Variants in UTRN observed in about 807,000 individuals in gnomAD.
UTRN encodes utrophin.
UTRN carries 283 observed loss-of-function variants against 463.9 expected under a neutral mutation model. The observed-to-expected ratio is 0.61, with a 90% CI of 0.55 to 0.67. UTRN has a LOEUF of 0.67. UTRN is among the 30% of genes least tolerant of loss of function. UTRN has a pLI of 0.00. For missense variants in UTRN, 3,922 were observed against 4,084.3 expected (o/e 0.96, Z 1.08); for synonymous variants, 1,442 against 1,431.5 (o/e 1.01, Z -0.17).
intron 64 of UTRN, among the ~76,000 whole-genome samples, chr6:144,801,319 A>G: frequency 6.6e-6 from 1 of 152,062 alleles, no homozygotes; most frequent in East Asian, 1.9e-4. Flanking sequence ...TTACACATGA[A>G]GGGAATGAAT....
intron 29 of UTRN, 116 bp downstream of exon 29, chr6:144,487,813 G>T: frequency 9.8e-7 from 1 of 1,024,884 alleles, no homozygotes; most frequent in South Asian, 2.4e-5. Flanking sequence ...GTTAAAGTTG[G>T]TAACCAATGC....
intron 19 of UTRN, among the ~76,000 whole-genome samples, chr6:144,456,678 A>AATG (rs1248886153): frequency 1.4e-5 from 2 of 148,040 alleles, no homozygotes; most frequent in Non-Finnish European, 3.0e-5. Context: ...TAATAATAAT[A>AATG]ATAATAATAA....
At position 144,841,904 on chromosome 6, in the gene UTRN, G is replaced by GT. The variant is rs1781606586; in HGVS notation, c.10270+1074dup. ...AGGCAGGTGGATCATGAGATCAGGA[G>GT]TTCGAGACCAGTCTGACCAACATGG... On this transcript the variant is annotated intron_variant, in intron 73 of 74. Transcript: ENST00000367545. Among the ~76,000 whole-genome samples the GT allele has an allele frequency of 3.3e-5, 5 of 152,128 alleles. No homozygotes were observed. The South Asian group carries it at 1.0e-3, about 32-fold the overall frequency.
chr6:144,530,265 C>T (rs919971372), intron 41 of UTRN, among the ~76,000 whole-genome samples: 2 of 152,142 alleles, frequency 1.3e-5, no homozygotes, highest in Non-Finnish European at 2.9e-5. Context: ...TTGCAGATGG[C>T]CACCTTCTTG....
At chr6:144,572,337 T>C (rs1036423492) in intron 50 of UTRN, among the ~76,000 whole-genome samples, 8 of 152,148 alleles carry the variant, frequency 5.3e-5, no homozygotes, top group Non-Finnish European at 8.8e-5. Flanking sequence ...AAAAATGGTA[T>C]GTAGGAGTTA....
At chr6:144,436,807 T>C (rs1466108917) in intron 10 of UTRN, among the ~76,000 whole-genome samples, 2 of 142,918 alleles carry the variant, frequency 1.4e-5, no homozygotes, top group African/African-American at 2.6e-5. Flanking sequence ...TATAAATATA[T>C]ATAAATAAAA....
chr6:144,828,171 A>G (rs1780354537), intron 68 of UTRN, among the ~76,000 whole-genome samples: 1 of 152,176 alleles, frequency 6.6e-6, no homozygotes, highest in African/African-American at 2.4e-5. Context: ...AGCTTTGCCT[A>G]GAAAGGTTAA....
intron 37 of UTRN, among the ~76,000 whole-genome samples, chr6:144,515,326 C>T (rs1017078890): frequency 4.6e-5 from 7 of 152,140 alleles, no homozygotes; most frequent in Admixed American, 3.9e-4. Flanking sequence ...AAGAAAATAA[C>T]CTATTTGAGA....
Position 144,514,962 on chromosome 6 carries a change from A to G in UTRN, c.5244+142A>G, listed in dbSNP as rs569237932. 3 of 924,232 alleles carry G rather than the reference A, an allele frequency of 3.2e-6. No individual in the cohort carries two copies. In the Admixed American group the frequency reaches 1.0e-4, roughly 32 times the overall value. The allele number at this position is 924,232 out of a possible 1,614,324, so 57.3% of individuals were successfully genotyped here. ...CTCTCTGTCACCGAGGCTGGAGTGC[A>G]GTGGCATGAGCTCACTGCAACCTCC... On this transcript the variant is annotated intron_variant, in intron 37 of 74. Coordinates refer to ENST00000367545, the MANE Select transcript of UTRN (RefSeq NM_007124.3).
chr6:144,297,178 A>C (rs2114522252), intron 2 of UTRN, among the ~76,000 whole-genome samples: 1 of 152,088 alleles, frequency 6.6e-6, no homozygotes, highest in South Asian at 2.1e-4. Flanking sequence ...TATCTGTGGT[A>C]CTGAAAGAGT....
At chr6:144,424,992 T>A (rs1411008119) in intron 6 of UTRN, among the ~76,000 whole-genome samples, 1 of 152,206 alleles carries the variant, frequency 6.6e-6, no homozygotes, top group Non-Finnish European at 1.5e-5. Context: ...AATAATACAA[T>A]TATGTAATCT....
chr6:144,396,898 G>T (rs747470687), intron 2 of UTRN, among the ~76,000 whole-genome samples: 1 of 152,110 alleles, frequency 6.6e-6, no homozygotes, highest in Non-Finnish European at 1.5e-5. Flanking sequence ...CTGTGGCTCC[G>T]TGATAGTAAG....
rs999734787 is a variant in UTRN at position 144,781,943 on chromosome 6, C to T, written c.8654C>T (p.Thr2885Ile). ...TTAGTGGATCTCTTAGAGTTGAGTACAACAAATGAAATTTTCAAACAGCAC... is the reference window on the plus strand; with the variant it reads ...TTAGTGGATCTCTTAGAGTTGAGTATAACAAATGAAATTTTCAAACAGCAC... ...ALCLDLLELS[T>I]TNEIFKQHKL... is the part of the protein sequence containing the mutation. The change falls in exon 61 of 75, where the codon ACA becomes ATA. Residue 2885 changes from threonine (T) to isoleucine (I), a missense_variant. Physicochemically the swap from Thr to Ile is moderately conservative, Grantham distance 89. Transcript: ENST00000367545. 34 of 1,613,736 alleles carry T rather than the reference C, an allele frequency of 2.1e-5. No homozygotes were observed. The highest frequency in any genetic ancestry group is 2.7e-5 in the Non-Finnish European group (32 of 1,179,922).
At chr6:144,600,675 G>A (rs1212432096) in intron 51 of UTRN, among the ~76,000 whole-genome samples, 1 of 152,242 alleles carries the variant, frequency 6.6e-6, no homozygotes, top group Non-Finnish European at 1.5e-5. Flanking sequence ...ATAATAAGCA[G>A]CAAATGCTGA....
intron 53 of UTRN, among the ~76,000 whole-genome samples, chr6:144,724,502 C>T (rs1190392765): frequency 6.6e-6 from 1 of 152,122 alleles, no homozygotes; most frequent in African/African-American, 2.4e-5. Flanking sequence ...GCTGGGATTA[C>T]AGGCATGAGC....
chr6:144,685,851 C>G (rs1357215132), intron 52 of UTRN, among the ~76,000 whole-genome samples: 1 of 151,892 alleles, frequency 6.6e-6, no homozygotes, highest in Non-Finnish European at 1.5e-5. Context: ...TTTTTTTGCT[C>G]TGTTGATTAT....
chr6:144,410,148 A>G (rs1437660203), intron 3 of UTRN, among the ~76,000 whole-genome samples: 10 of 152,326 alleles, frequency 6.6e-5, no homozygotes, highest in African/African-American at 2.4e-4. Flanking sequence ...CCCTAAGGGA[A>G]GGGAAGGAGC....
intron 51 of UTRN, among the ~76,000 whole-genome samples, chr6:144,594,416 C>G (rs771575258): frequency 1.6e-4 from 24 of 152,080 alleles, no homozygotes; most frequent in Non-Finnish European, 2.4e-4. Flanking sequence ...CTATAATTAG[C>G]TATTTATTTC....
intron 3 of UTRN, among the ~76,000 whole-genome samples, chr6:144,413,369 G>A (rs1000468524): frequency 2.6e-5 from 4 of 152,186 alleles, no homozygotes; most frequent in Non-Finnish European, 5.9e-5. Context: ...ATAAAGGAAA[G>A]AGGTTTAATT....
Sources: allele counts gnomAD v4.1 joint callset (sites outside exome capture counted in the v4.1 genomes callset), GRCh38; gene constraint gnomAD v4.1.1; transcripts MANE v1.5; gene names NCBI Gene and HGNC (gene_info 2026-07-23, HGNC 2026-07-21).